Variants in SMOC1 observed in about 807,000 individuals in gnomAD.
The protein encoded by SMOC1 is SPARC related modular calcium binding 1.
Under a neutral mutation model 56.3 loss-of-function variants are expected in SMOC1, and 22 were observed. The observed-to-expected ratio is 0.39, with a 90% CI of 0.28 to 0.56. The LOEUF (loss-of-function observed/expected upper bound fraction) is 0.56, where lower values mean the gene tolerates loss of function less well. Among genes scored for constraint, SMOC1 ranks in the 20% least tolerant of loss-of-function variants. The pLI, the probability that SMOC1 is intolerant of heterozygous loss-of-function variation, is 0.61. For synonymous variants in SMOC1, 193 were observed against 215.0 expected (o/e 0.90, Z 0.89); for missense variants, 509 against 565.4 (o/e 0.90, Z 1.01).
intron 1 of SMOC1, among the ~76,000 whole-genome samples, chr14:69,908,059 G>A (rs764434624): frequency 1.3e-5 from 2 of 152,334 alleles, no homozygotes; most frequent in African/African-American, 4.8e-5. Context: ...TGAATCAACT[G>A]TGGCACAGAT....
chr14:69,915,955 T>G (rs7140683), intron 1 of SMOC1, among the ~76,000 whole-genome samples: 72,212 of 152,044 alleles, frequency 0.47, 17,470 homozygotes, highest in African/African-American at 0.55. Context: ...TGCTTATCTT[T>G]TCTAATTTTA....
intron 3 of SMOC1, among the ~76,000 whole-genome samples, chr14:69,962,227 A>C (rs1883408925): frequency 6.6e-6 from 1 of 152,068 alleles, no homozygotes; most frequent in Admixed American, 6.5e-5. Context: ...CAGTGGCACC[A>C]TCTTGGCTCA....
intron 1 of SMOC1, among the ~76,000 whole-genome samples, chr14:69,898,726 A>G (rs1244533575): frequency 6.6e-6 from 1 of 152,034 alleles, no homozygotes; most frequent in Non-Finnish European, 1.5e-5. Context: ...TAGCATATTA[A>G]TCATAGTTTT....
At chr14:69,986,038 A>C (rs1884353780) in intron 5 of SMOC1, among the ~76,000 whole-genome samples, 1 of 152,180 alleles carries the variant, frequency 6.6e-6, no homozygotes, top group Admixed American at 6.5e-5. Flanking sequence ...GGGATCCCCT[A>C]TCCATCTATA....
intron 5 of SMOC1, among the ~76,000 whole-genome samples, chr14:69,980,293 T>C (rs1594836128): frequency 6.6e-6 from 1 of 152,284 alleles, no homozygotes; most frequent in East Asian, 1.9e-4. Context: ...AGTTCCCAGC[T>C]CTTTACTCCC....
intron 7 of SMOC1, among the ~76,000 whole-genome samples, chr14:69,996,529 G>A (rs969510219): frequency 3.3e-5 from 5 of 152,210 alleles, no homozygotes; most frequent in Non-Finnish European, 7.3e-5. Context: ...CTTTGCTTCC[G>A]CTGAAGTTCT....
intron 11 of SMOC1, among the ~76,000 whole-genome samples, chr14:70,028,611 A>G (rs1886018342): frequency 6.6e-6 from 1 of 152,128 alleles, no homozygotes; most frequent in Non-Finnish European, 1.5e-5. Context: ...TTTGCTTCAC[A>G]CATCTCAGCC....
intron 1 of SMOC1, among the ~76,000 whole-genome samples, chr14:69,930,653 T>G (rs990486723): frequency 6.6e-6 from 1 of 151,574 alleles, no homozygotes; most frequent in African/African-American, 2.4e-5. Flanking sequence ...GAAATGGGAG[T>G]TCCTGGGCCT....
chr14:69,884,527 C>A (rs1272694390), intron 1 of SMOC1, among the ~76,000 whole-genome samples: 2 of 152,190 alleles, frequency 1.3e-5, no homozygotes, highest in East Asian at 1.9e-4. Context: ...AGTCATGGAG[C>A]TTTCCCCCTA....
chr14:69,952,341 C>T (rs1883033676), intron 2 of SMOC1, 38 bp downstream of exon 2: 2 of 1,611,426 alleles, frequency 1.2e-6, no homozygotes, highest in African/African-American at 1.3e-5. Flanking sequence ...AGGAGAGGTT[C>T]CTGGGCACCC....
In SMOC1 at chr14:70,023,403, T is replaced by C. The variant is rs1409947704; in HGVS notation, c.1247T>C (p.Ile416Thr). Residue 416 changes from isoleucine (I) to threonine (T), a missense_variant, in exon 11 of 12, where the codon ATT becomes ACT. Ile to Thr is a moderately conservative substitution (Grantham distance 89). Coordinates refer to ENST00000361956, the MANE Select transcript of SMOC1 (RefSeq NM_001034852.3). ...TGTGACCTGAACAAAGACAAGGTCA[T>C]TTCACTGCCTGAGCTGAAGGGCTGC... Reference protein sequence around the residue: ...DYCDLNKDKVISLPELKGCLG... With the variant: ...DYCDLNKDKVTSLPELKGCLG... 6.2e-7 allele frequency: 1 copy of C among 1,614,054 alleles called. No homozygotes were observed.
At chr14:69,956,215 G>A (rs910480096) in intron 3 of SMOC1, among the ~76,000 whole-genome samples, 10 of 152,228 alleles carry the variant, frequency 6.6e-5, no homozygotes, top group Non-Finnish European at 2.9e-5. Context: ...ACTGCCATGT[G>A]TCTGTAGGCT....
At chr14:69,932,007 G>A (rs1483189918) in intron 1 of SMOC1, among the ~76,000 whole-genome samples, 1 of 152,222 alleles carries the variant, frequency 6.6e-6, no homozygotes. Flanking sequence ...CAGGGCCAAA[G>A]CCATGGAGCA....
intron 6 of SMOC1, among the ~76,000 whole-genome samples, chr14:69,992,983 A>G (rs1467667009): frequency 6.6e-6 from 1 of 152,218 alleles, no homozygotes; most frequent in Non-Finnish European, 1.5e-5. Context: ...CATTTATGGA[A>G]GAAAGAGATC....
chr14:69,961,873 C>T (rs955711223), intron 3 of SMOC1, among the ~76,000 whole-genome samples: 5 of 152,172 alleles, frequency 3.3e-5, no homozygotes, highest in Non-Finnish European at 5.9e-5. Flanking sequence ...TTCCCACCGG[C>T]AATGTATGAA....
Position 70,011,446 on chromosome 14 carries a change from C to T in SMOC1, c.858-39C>T, listed in dbSNP as rs369821049. ...TAGTGACTGAAGTAGGCTCAGTTGCCAGCCCCTCCCAACCCCCCCCATATC... is the reference window on the plus strand; with the variant it reads ...TAGTGACTGAAGTAGGCTCAGTTGCTAGCCCCTCCCAACCCCCCCCATATC... On this transcript the variant is annotated intron_variant, in intron 8 of 11. Coordinates refer to ENST00000361956, the MANE Select transcript of SMOC1 (RefSeq NM_001034852.3). The T allele has an allele frequency of 2.0e-6, 3 of 1,506,346 alleles. No individual in the cohort carries two copies. The African/African-American group carries it at 4.2e-5, about 21-fold the overall frequency. 93.3% of individuals were successfully genotyped at this position (1,506,346 alleles called of 1,614,324 possible).
At chr14:69,997,575 G>T (rs909362235) in intron 7 of SMOC1, among the ~76,000 whole-genome samples, 4 of 152,086 alleles carry the variant, frequency 2.6e-5, no homozygotes, top group African/African-American at 9.7e-5. Flanking sequence ...TCTTTGTGAG[G>T]ACTCAAGAGC....
chr14:69,910,516 G>T (rs1003172080), intron 1 of SMOC1, among the ~76,000 whole-genome samples: 3 of 152,208 alleles, frequency 2.0e-5, no homozygotes, highest in Admixed American at 2.0e-4. Context: ...AGCCACTTTG[G>T]CACCTTCTGC....
chr14:69,925,509 A>G (rs1216799691), intron 1 of SMOC1, among the ~76,000 whole-genome samples: 3 of 151,670 alleles, frequency 2.0e-5, no homozygotes, highest in Non-Finnish European at 4.4e-5. Context: ...ACCCCATTTT[A>G]TTTTCTTCAG....
Sources: allele counts gnomAD v4.1 joint callset (sites outside exome capture counted in the v4.1 genomes callset), GRCh38; gene constraint gnomAD v4.1.1; transcripts MANE v1.5; gene names NCBI Gene and HGNC (gene_info 2026-07-23, HGNC 2026-07-21).